Variants in PDE4B observed in about 807,000 individuals in gnomAD.
PDE4B encodes phosphodiesterase 4B.
PDE4B carries 20 observed loss-of-function variants against 82.2 expected under a neutral mutation model. The observed-to-expected ratio is 0.24, with a 90% CI of 0.17 to 0.35. The LOEUF (loss-of-function observed/expected upper bound fraction) is 0.35. PDE4B is among the 10% of genes least tolerant of loss of function. PDE4B has a pLI of 1.00. For missense variants in PDE4B, 655 were observed against 907.2 expected (o/e 0.72, Z 3.57); for synonymous variants, 320 against 318.9 (o/e 1.00, Z -0.04).
At chr1:65,799,776 C>G (rs967157533) in intron 1 of PDE4B, among the ~76,000 whole-genome samples, 2 of 152,200 alleles carry the variant, frequency 1.3e-5, no homozygotes, top group East Asian at 3.9e-4. Context: ...GCAGGACCAG[C>G]AGGTGTTCAA....
At chr1:65,970,564 T>C (rs1363112573) in intron 3 of PDE4B, among the ~76,000 whole-genome samples, 1 of 152,140 alleles carries the variant, frequency 6.6e-6, no homozygotes, top group African/African-American at 2.4e-5. Context: ...CATATTCTCA[T>C]GGAGTTCACA....
chr1:65,885,935 C>T (rs1186129507), intron 1 of PDE4B, among the ~76,000 whole-genome samples: 1 of 150,184 alleles, frequency 6.7e-6, no homozygotes, highest in Admixed American at 6.7e-5. Flanking sequence ...TAGATCTGTG[C>T]TGGCTAATAA....
chr1:66,189,026 C>A (rs1461281842), intron 3 of PDE4B, among the ~76,000 whole-genome samples: 1 of 150,892 alleles, frequency 6.6e-6, no homozygotes, highest in African/African-American at 2.4e-5. Context: ...TTAGGGCAAG[C>A]CTGGTGGTGA....
intron 1 of PDE4B, among the ~76,000 whole-genome samples, chr1:65,848,569 C>G (rs967810966): frequency 1.3e-5 from 2 of 152,130 alleles, no homozygotes; most frequent in Non-Finnish European, 2.9e-5. Context: ...ACTCTCAGCC[C>G]AAGCAAACAC....
chr1:66,200,589 T>C lies in PDE4B; in HGVS notation c.282-46871T>C, dbSNP rs1474699545. ...CCCTTGTAAGTTGGATTCCTAGGTA[T>C]TTTATTCTCTTTGAAGCAATTGTGA... On this transcript the variant is annotated intron_variant, in intron 3 of 16. Transcript: ENST00000341517. Among the ~76,000 whole-genome samples, 6 of 152,268 alleles carry C rather than the reference T, an allele frequency of 3.9e-5. No individual in the cohort carries two copies. In the East Asian group the frequency reaches 1.2e-3, roughly 29 times the overall value.
At position 65,866,963 on chromosome 1, in the gene PDE4B, A is replaced by G. The variant is rs142688076; in HGVS notation, c.-70-46282A>G. Among the ~76,000 whole-genome samples the G allele has an allele frequency of 3.5e-3, 530 of 152,292 alleles. 5 individuals carry two copies. Among genetic ancestry groups the G allele is most frequent in the African/African-American group, 0.012 (499 of 41,568 alleles). ...ATTAATCAAAACTTTTTTTGATGTG[A>G]TAATGGTATTGTGGTGTTTTAACAA... On this transcript the variant is annotated intron_variant, in intron 1 of 16. Coordinates refer to ENST00000341517, the MANE Select transcript of PDE4B (RefSeq NM_002600.4).
intron 3 of PDE4B, among the ~76,000 whole-genome samples, chr1:66,081,597 A>G (rs2100961257): frequency 6.6e-6 from 1 of 152,266 alleles, no homozygotes; most frequent in African/African-American, 2.4e-5. Context: ...TAGCAATTCA[A>G]TTCTATATTG....
intron 1 of PDE4B, among the ~76,000 whole-genome samples, chr1:65,875,736 G>A (rs1392561533): frequency 6.9e-6 from 1 of 145,950 alleles, no homozygotes; most frequent in Non-Finnish European, 1.5e-5. Flanking sequence ...TCACTCATAG[G>A]TGGGAACTGA....
At chr1:66,263,458 A>G (rs1308858823) in intron 6 of PDE4B, among the ~76,000 whole-genome samples, 1 of 152,252 alleles carries the variant, frequency 6.6e-6, no homozygotes, top group Non-Finnish European at 1.5e-5. Flanking sequence ...TAAAATATTC[A>G]TATAGAGTAT....
chr1:66,048,009 G>A (rs950027167), intron 3 of PDE4B, among the ~76,000 whole-genome samples: 6 of 151,836 alleles, frequency 4.0e-5, no homozygotes, highest in South Asian at 2.1e-4. Flanking sequence ...TTTGGATGGC[G>A]TCTACAGTTT....
intron 3 of PDE4B, among the ~76,000 whole-genome samples, chr1:66,048,659 T>C (rs1654849827): frequency 2.6e-5 from 4 of 151,932 alleles, no homozygotes; most frequent in Admixed American, 2.0e-4. Flanking sequence ...GTTGACTTTC[T>C]CAAGGGCACA....
At chr1:66,284,380 G>T (rs769315061) in intron 7 of PDE4B, among the ~76,000 whole-genome samples, 1 of 152,118 alleles carries the variant, frequency 6.6e-6, no homozygotes, top group African/African-American at 2.4e-5. Context: ...TATTAATTCT[G>T]ACCATGACTA....
chr1:66,352,255 A>G (rs554718719), intron 8 of PDE4B, among the ~76,000 whole-genome samples: 18 of 152,192 alleles, frequency 1.2e-4, no homozygotes, highest in Non-Finnish European at 2.1e-4. Context: ...TTTTGGTAGC[A>G]TTGCTGTGCC....
At chr1:66,139,307 G>A (rs1646121042) in intron 3 of PDE4B, among the ~76,000 whole-genome samples, 3 of 152,164 alleles carry the variant, frequency 2.0e-5, no homozygotes, top group Non-Finnish European at 4.4e-5. Flanking sequence ...TGTGCCTGTA[G>A]GGCTGAGGTC....
At chr1:66,005,319 T>G (rs188500776) in intron 3 of PDE4B, among the ~76,000 whole-genome samples, 1 of 152,028 alleles carries the variant, frequency 6.6e-6, no homozygotes, top group African/African-American at 2.4e-5. Flanking sequence ...AGAAAGATAA[T>G]AACAAGCTCA....
chr1:65,859,319 A>G (rs1229001807), intron 1 of PDE4B, among the ~76,000 whole-genome samples: 1 of 152,092 alleles, frequency 6.6e-6, no homozygotes, highest in Non-Finnish European at 1.5e-5. Flanking sequence ...ACTAATGCAG[A>G]GTTTAGTCTT....
chr1:65,809,283 A>T (rs1306768473), intron 1 of PDE4B, among the ~76,000 whole-genome samples: 1 of 141,478 alleles, frequency 7.1e-6, no homozygotes, highest in Non-Finnish European at 1.5e-5. Context: ...GTGAACTGAG[A>T]TTGCACCACT....
At chr1:65,885,189 A>G (rs12742338) in intron 1 of PDE4B, among the ~76,000 whole-genome samples, 25,866 of 151,954 alleles carry the variant, frequency 0.17, 2,791 homozygotes, top group South Asian at 0.38. Flanking sequence ...TAGAATGGTG[A>G]TCATTAAAAA....
At chr1:65,919,902 G>T (rs1647206909) in intron 3 of PDE4B, among the ~76,000 whole-genome samples, 1 of 152,106 alleles carries the variant, frequency 6.6e-6, no homozygotes, top group Admixed American at 6.5e-5. Flanking sequence ...ACAGTTAATA[G>T]CATCAAATAT....
Sources: gnomAD v4.1 joint callset for allele counts (sites outside exome capture counted in the v4.1 genomes callset) on GRCh38, gnomAD v4.1.1 for gene constraint, MANE v1.5 for transcripts, NCBI Gene and HGNC (gene_info 2026-07-23, HGNC 2026-07-21) for gene names.